GRIN2A: variants seen among roughly 807,000 people sequenced by gnomAD.
The protein encoded by GRIN2A is glutamate ionotropic receptor NMDA type subunit 2A.
Under a neutral mutation model 113.4 loss-of-function variants are expected in GRIN2A, and 22 were observed. That is an observed-to-expected ratio of 0.19 (90% confidence interval 0.14 to 0.28). The LOEUF is 0.28. GRIN2A is among the 10% of genes least tolerant of loss of function. The pLI, the probability that GRIN2A is intolerant of heterozygous loss-of-function variation, is 1.00. For missense variants in GRIN2A, 1,502 were observed against 1,887.0 expected (o/e 0.80, Z 3.78); for synonymous variants, 827 against 738.4 (o/e 1.12, Z -1.94).
intron 3 of GRIN2A, among the ~76,000 whole-genome samples, chr16:9,931,601 A>G (rs1316372855): frequency 6.6e-6 from 1 of 152,172 alleles, no homozygotes; most frequent in African/African-American, 2.4e-5. Flanking sequence ...CCCAATGGCC[A>G]TATTTCTCCC....
intron 2 of GRIN2A, chr16:10,112,912 G>C: frequency 2.3e-6 from 1 of 440,672 alleles, no homozygotes; most frequent in Non-Finnish European, 4.4e-6. Context: ...AGGTGGTGGA[G>C]GGAGCATACC....
At chr16:9,921,052 G>A (rs1386775379) in intron 3 of GRIN2A, among the ~76,000 whole-genome samples, 1 of 152,148 alleles carries the variant, frequency 6.6e-6, no homozygotes, top group Admixed American at 6.5e-5. Context: ...TTTAGAGGGA[G>A]TTGATGGTTC....
At chr16:10,082,838 G>A (rs919475645) in intron 2 of GRIN2A, among the ~76,000 whole-genome samples, 2 of 152,208 alleles carry the variant, frequency 1.3e-5, no homozygotes, top group Non-Finnish European at 1.5e-5. Flanking sequence ...TGTCAGTGCC[G>A]AGATGAGAAA....
intron 2 of GRIN2A, among the ~76,000 whole-genome samples, chr16:9,995,141 G>A (rs1413160897): frequency 6.6e-6 from 1 of 152,134 alleles, no homozygotes; most frequent in African/African-American, 2.4e-5. Flanking sequence ...CTGCAAGAGA[G>A]AATGGTTAGA....
intron 2 of GRIN2A, among the ~76,000 whole-genome samples, chr16:9,982,544 T>C (rs2045910842): frequency 6.6e-6 from 1 of 152,248 alleles, no homozygotes; most frequent in African/African-American, 2.4e-5. Flanking sequence ...CGCATGCTTC[T>C]TCCCCCATGT....
intron 3 of GRIN2A, among the ~76,000 whole-genome samples, chr16:9,919,095 C>T (rs2044310692): frequency 6.6e-6 from 1 of 152,130 alleles, no homozygotes; most frequent in African/African-American, 2.4e-5. Context: ...ATTGCTTGAA[C>T]CCGGGAGGCG....
chr16:9,819,273 ACT>A (rs2042238547), intron 10 of GRIN2A, among the ~76,000 whole-genome samples: 1 of 152,146 alleles, frequency 6.6e-6, no homozygotes, highest in African/African-American at 2.4e-5. Flanking sequence ...TAATCCCAGC[ACT>A]TTGAGAGGCT....
rs6497540 is a variant in GRIN2A at position 9,841,209 on chromosome 16, T to G, written c.1329-105A>C. On this transcript the variant is annotated intron_variant, in intron 5 of 12. Transcript: ENST00000330684. The stretch of plus-strand genomic sequence containing the variant: ...TTTTTCAGATGAGTAAACTGAAGTT[T>G]AAAAGGGGAAGTGGCTTTCCCAAGG... 0.36 allele frequency: 354,265 copies of G among 986,132 alleles called. 67,886 individuals are homozygous for G. The highest frequency in any genetic ancestry group is 0.47 in the African/African-American group (29,290 of 62,476). 61.1% of individuals were successfully genotyped at this position (986,132 alleles called of 1,614,324 possible). A position where few individuals can be genotyped will look rare whatever the true frequency, so the allele number is the denominator to read the frequency against.
At chr16:9,800,128 C>T (rs1221398651) in intron 10 of GRIN2A, among the ~76,000 whole-genome samples, 4 of 152,068 alleles carry the variant, frequency 2.6e-5, no homozygotes, top group African/African-American at 9.7e-5. Flanking sequence ...GTGCCTGCCA[C>T]CACTCCCGGC....
chr16:9,835,141 G>C (rs934106522), intron 7 of GRIN2A, among the ~76,000 whole-genome samples: 1 of 152,150 alleles, frequency 6.6e-6, no homozygotes, highest in Non-Finnish European at 1.5e-5. Context: ...AGATAGATGA[G>C]ATTCCTACAG....
chr16:10,079,047 T>C (rs1313220294), intron 2 of GRIN2A, among the ~76,000 whole-genome samples: 1 of 152,180 alleles, frequency 6.6e-6, no homozygotes, highest in Non-Finnish European at 1.5e-5. Context: ...CTGAGATTTG[T>C]TGTGCATCTG....
At chr16:9,922,796 T>C (rs1270023420) in intron 3 of GRIN2A, among the ~76,000 whole-genome samples, 3 of 151,622 alleles carry the variant, frequency 2.0e-5, no homozygotes, top group African/African-American at 7.3e-5. Flanking sequence ...ATTTGGGGAA[T>C]TTCTGGAGAT....
At chr16:10,175,126 T>G (rs780086164) in intron 2 of GRIN2A, among the ~76,000 whole-genome samples, 1 of 152,246 alleles carries the variant, frequency 6.6e-6, no homozygotes, top group African/African-American at 2.4e-5. Flanking sequence ...CAAGAGCCTA[T>G]AGCTCATAGC....
chr16:10,151,029 G>A (rs565359273), intron 2 of GRIN2A, among the ~76,000 whole-genome samples: 2 of 152,316 alleles, frequency 1.3e-5, no homozygotes, highest in African/African-American at 2.4e-5. Context: ...GGAGATGACT[G>A]TTGAGCTGGG....
At chr16:10,024,389 A>G (rs938317440) in intron 2 of GRIN2A, among the ~76,000 whole-genome samples, 3 of 152,072 alleles carry the variant, frequency 2.0e-5, no homozygotes, top group African/African-American at 7.2e-5. Context: ...CACCCAGCTA[A>G]TTTTATTTTT....
intron 4 of GRIN2A, among the ~76,000 whole-genome samples, chr16:9,890,004 C>G (rs1355145516): frequency 1.3e-5 from 2 of 152,102 alleles, no homozygotes; most frequent in East Asian, 3.9e-4. Flanking sequence ...CATTGTCTCC[C>G]CAGAGTCAAT....
At chr16:10,082,733 A>G (rs538664801) in intron 2 of GRIN2A, among the ~76,000 whole-genome samples, 25 of 152,338 alleles carry the variant, frequency 1.6e-4, no homozygotes, top group African/African-American at 6.0e-4. Flanking sequence ...AATGGGTGTC[A>G]CCTGCTAAGT....
chr16:9,756,385 C>T lies in GRIN2A; in HGVS notation c.*6764G>A, dbSNP rs917023022. On this transcript the variant is annotated 3_prime_UTR_variant, in exon 13 of 13. Coordinates refer to ENST00000330684, the MANE Select transcript of GRIN2A (RefSeq NM_001134407.3). Reference sequence around the variant, plus strand: ...AGAGGTGAGATCCCCAGAAGTTCTCCATACACACAGATCAGGCAATGAGGG... The same window carrying T: ...AGAGGTGAGATCCCCAGAAGTTCTCTATACACACAGATCAGGCAATGAGGG... The T allele has an allele frequency of 4.3e-6, 1 of 230,632 alleles. No individual in the cohort carries two copies. Among genetic ancestry groups the T allele is most frequent in the African/African-American group, 2.2e-5 (1 of 45,166 alleles). The allele number at this position is 230,632 out of a possible 1,614,324, so 14.3% of individuals were successfully genotyped here. A position where few individuals can be genotyped will look rare whatever the true frequency, so the allele number is the denominator to read the frequency against.
intron 9 of GRIN2A, among the ~76,000 whole-genome samples, chr16:9,827,327 A>G (rs1471315620): frequency 1.3e-5 from 2 of 152,244 alleles, no homozygotes; most frequent in South Asian, 2.1e-4. Flanking sequence ...GGGATCTTAC[A>G]GTAGCTGACC....
Sources: allele counts gnomAD v4.1 joint callset (sites outside exome capture counted in the v4.1 genomes callset), GRCh38; gene constraint gnomAD v4.1.1; transcripts MANE v1.5; gene names NCBI Gene and HGNC (gene_info 2026-07-23, HGNC 2026-07-21).